RCAN1: variants seen among roughly 807,000 people sequenced by gnomAD.
RCAN1 encodes the protein regulator of calcineurin 1, also known as calcipressin-1.
In RCAN1, 11 loss-of-function variants were observed where a neutral mutation model predicts 22.9. That is an observed-to-expected ratio of 0.48 (90% CI 0.30 to 0.79). RCAN1 has a LOEUF of 0.79. Among genes scored for constraint, RCAN1 ranks in the 30% least tolerant of loss-of-function variants. RCAN1 has a pLI of 0.06. For synonymous variants in RCAN1, 136 were observed against 142.3 expected (o/e 0.96, Z 0.32); for missense variants, 291 against 337.8 (o/e 0.86, Z 1.09).
chr21:34,518,080 C>T lies in RCAN1; in HGVS notation c.*4G>A. On this transcript the variant is annotated 3_prime_UTR_variant, in exon 4 of 4. Coordinates refer to ENST00000313806, the MANE Select transcript of RCAN1 (RefSeq NM_004414.7). This position sits in a 1 kb window ranked among gnomAD's most constrained non-coding sequence, Gnocchi z 4.2. The stretch of plus-strand genomic sequence containing the variant: ...TTTGGAATGCGTCCTCGTCGCGTGC[C>T]AGTTCAGCTGAGGTGGATCGGCGTG... The T allele has an allele frequency of 6.2e-7, 1 of 1,614,052 alleles. No individual in the cohort carries two copies. Among genetic ancestry groups the T allele is most frequent in the Non-Finnish European group, 8.5e-7 (1 of 1,179,976 alleles).
intron 1 of RCAN1, among the ~76,000 whole-genome samples, chr21:34,528,641 C>T (rs1985207330): frequency 6.6e-6 from 1 of 152,268 alleles, no homozygotes; most frequent in African/African-American, 2.4e-5. Context: ...GGGGAGCAGA[C>T]ACAGTCCTGC....
intron 1 of RCAN1, among the ~76,000 whole-genome samples, chr21:34,600,049 A>C (rs1988282860): frequency 2.0e-5 from 3 of 152,146 alleles, no homozygotes; most frequent in African/African-American, 7.2e-5. Flanking sequence ...CCCAACAACC[A>C]AGAGTCCAGA....
At chr21:34,563,768 A>ATAT (rs56397854) in intron 1 of RCAN1, among the ~76,000 whole-genome samples, 179 of 88,108 alleles carry the variant, frequency 2.0e-3, no homozygotes, top group Admixed American at 3.3e-3. Context: ...AAAAAAAAAA[A>ATAT]AAATATATAT....
chr21:34,601,179 C>G (rs948713567), intron 1 of RCAN1, among the ~76,000 whole-genome samples: 1 of 152,218 alleles, frequency 6.6e-6, no homozygotes, highest in Non-Finnish European at 1.5e-5. Flanking sequence ...GTCCCAGGAA[C>G]AGGTTAAGCA....
chr21:34,614,850 G>T lies in RCAN1; in HGVS notation c.162C>A (p.Cys54Ter). ...EGGGDWSFID[C>*]EMEEVDLQDL... ...CCTGCAGGTCCACCTCCTCCATCTC[G>T]CAGTCAATGAAGCTCCAGTCGCCGC... Residue 54 changes from cysteine (C) to a stop codon, truncating the protein, a stop_gained, in exon 1 of 4, where the codon TGC (cysteine) becomes TGA (stop). Transcript: ENST00000313806. LOFTEE classifies it high-confidence loss of function. The surrounding 1 kb of genome is among the most constrained non-coding windows in gnomAD (Gnocchi z 6.0). The T allele has an allele frequency of 6.8e-7, 1 of 1,479,124 alleles. No individual in the cohort carries two copies. Among genetic ancestry groups the T allele is most frequent in the Non-Finnish European group, 9.0e-7 (1 of 1,112,458 alleles). The allele number at this position is 1,479,124 out of a possible 1,614,324, so 91.6% of individuals were successfully genotyped here. A position where few individuals can be genotyped will look rare whatever the true frequency, so the allele number is the denominator to read the frequency against.
intron 1 of RCAN1, among the ~76,000 whole-genome samples, chr21:34,547,641 A>G (rs966271712): frequency 6.6e-6 from 1 of 152,222 alleles, no homozygotes; most frequent in Non-Finnish European, 1.5e-5. Context: ...CCACGAGGGC[A>G]GAGCCCTTAC....
chr21:34,526,178 T>G (rs2123590800), intron 1 of RCAN1, among the ~76,000 whole-genome samples: 1 of 152,350 alleles, frequency 6.6e-6, no homozygotes. Flanking sequence ...ATTTCTCCAG[T>G]TTTATTATTT....
In RCAN1 at chr21:34,518,387, C is replaced by T; in HGVS notation, c.587-131G>A. 2.2e-6 allele frequency: 2 copies of T among 923,600 alleles called. No individual in the cohort carries two copies. The highest frequency in any genetic ancestry group is 3.2e-6 in the Non-Finnish European group (2 of 628,720). The allele number at this position is 923,600 out of a possible 1,614,324, so 57.2% of individuals were successfully genotyped here. On this transcript the variant is annotated intron_variant, in intron 3 of 3. Coordinates refer to ENST00000313806, the MANE Select transcript of RCAN1 (RefSeq NM_004414.7). The surrounding 1 kb of genome is among the most constrained non-coding windows in gnomAD (Gnocchi z 4.2). ...ATTCGATTGGGCTGAGAGACACAGC[C>T]AGACATATTTTGGGTTTGTATTTCT...
At chr21:34,526,597 T>C in intron 1 of RCAN1, 2 of 1,487,602 alleles carry the variant, frequency 1.3e-6, no homozygotes, top group Non-Finnish European at 1.8e-6. Context: ...AAGTATTCAG[T>C]TAATAGTCCC....
At chr21:34,597,875 T>C (rs1988214482) in intron 1 of RCAN1, among the ~76,000 whole-genome samples, 1 of 152,188 alleles carries the variant, frequency 6.6e-6, no homozygotes. Flanking sequence ...ATCTTCTCTA[T>C]ATAGAGGTAA....
At chr21:34,586,620 T>C (rs1190341726) in intron 1 of RCAN1, among the ~76,000 whole-genome samples, 5 of 152,172 alleles carry the variant, frequency 3.3e-5, no homozygotes, top group Non-Finnish European at 5.9e-5. Flanking sequence ...CATATTGATC[T>C]TAAAAAGCAA....
At position 34,591,525 on chromosome 21, in the gene RCAN1, G is replaced by A. The variant is rs566640044; in HGVS notation, c.252+23235C>T. ...AGATGGGAAGGGTCCAACCAGCCAC[G>A]CTAGGGACACCTTCTATCCTGTGGG... On this transcript the variant is annotated intron_variant, in intron 1 of 3. Coordinates refer to ENST00000313806, the MANE Select transcript of RCAN1 (RefSeq NM_004414.7). 3.9e-5 allele frequency among the ~76,000 whole-genome samples: 6 copies of A among 152,260 alleles called. No individual in the cohort carries two copies. The East Asian group carries it at 5.8e-4, about 15-fold the overall frequency.
At chr21:34,542,944 G>T (rs1031171485) in intron 1 of RCAN1, among the ~76,000 whole-genome samples, 1 of 152,316 alleles carries the variant, frequency 6.6e-6, no homozygotes, top group Middle Eastern at 3.4e-3. Context: ...TCTGAACCTG[G>T]TGTTCCATTT....
chr21:34,595,533 G>C (rs1425494437), intron 1 of RCAN1, among the ~76,000 whole-genome samples: 1 of 152,206 alleles, frequency 6.6e-6, no homozygotes. Context: ...AGACTTCACT[G>C]TCTGGGAATG....
At chr21:34,577,476 G>C (rs938453361) in intron 1 of RCAN1, among the ~76,000 whole-genome samples, 2 of 152,120 alleles carry the variant, frequency 1.3e-5, no homozygotes, top group Non-Finnish European at 2.9e-5. Flanking sequence ...GTGTGCGCCT[G>C]TAGTCCCAGC....
At chr21:34,560,398 T>C (rs774510798) in intron 1 of RCAN1, among the ~76,000 whole-genome samples, 19 of 152,224 alleles carry the variant, frequency 1.2e-4, no homozygotes, top group Non-Finnish European at 2.4e-4. Flanking sequence ...GATCTTACTT[T>C]ATCATTTTTC....
intron 1 of RCAN1, among the ~76,000 whole-genome samples, chr21:34,599,273 GT>G (rs2123722354): frequency 1.3e-5 from 2 of 152,294 alleles, no homozygotes; most frequent in South Asian, 4.1e-4. Context: ...GTTGAGTTGT[GT>G]TATGTTCTAA....
At chr21:34,544,065 T>C (rs1986030858) in intron 1 of RCAN1, among the ~76,000 whole-genome samples, 1 of 152,238 alleles carries the variant, frequency 6.6e-6, no homozygotes, top group African/African-American at 2.4e-5. Flanking sequence ...AGGTAGGTGC[T>C]TTTCAGACTG....
rs1984081392 is a variant in RCAN1, at chr21:34,516,934, C to T, written c.*1150G>A. 1 of 152,662 alleles carries T rather than the reference C, an allele frequency of 6.6e-6. No homozygotes were observed. The highest frequency in any genetic ancestry group is 6.5e-5 in the Admixed American group (1 of 15,292). 9.5% of individuals were successfully genotyped at this position (152,662 alleles called of 1,614,324 possible). A position where few individuals can be genotyped will look rare whatever the true frequency, so the allele number is the denominator to read the frequency against. ...GAAAGGCACTGCATCCCTCTCATAT[C>T]GCCACAGATCTACTATCCACTTGAC... is the stretch of plus-strand genomic sequence containing the variant. On this transcript the variant is annotated 3_prime_UTR_variant, in exon 4 of 4. Transcript: ENST00000313806.
Sources: allele counts gnomAD v4.1 joint callset (sites outside exome capture counted in the v4.1 genomes callset), GRCh38; gene constraint gnomAD v4.1.1; non-coding constraint Gnocchi (gnomAD v3.1); transcripts MANE v1.5; gene names NCBI Gene and HGNC (gene_info 2026-07-23, HGNC 2026-07-21).